Variants in COL6A3 observed in about 807,000 individuals in gnomAD.
COL6A3 encodes the protein collagen alpha-3(VI) chain.
COL6A3 carries 137 observed loss-of-function variants against 274.1 expected under a neutral mutation model. The ratio of observed to expected loss-of-function variants is 0.50; its 90% CI spans 0.44 to 0.58. COL6A3 has a LOEUF of 0.58. Ranked by LOEUF, COL6A3 falls within the 20% of genes least tolerant of loss-of-function variation. The pLI is 0.00. For missense variants in COL6A3, 3,950 were observed against 4,124.9 expected (o/e 0.96, Z 1.16); for synonymous variants, 1,650 against 1,650.6 (o/e 1.00, Z 0.01).
At position 237,361,356 on chromosome 2, in the gene COL6A3, C is replaced by G. The variant is rs970214451; in HGVS notation, c.6157-182G>C. Among the ~76,000 whole-genome samples, 6 of 152,190 alleles carry G rather than the reference C, an allele frequency of 3.9e-5. No homozygotes were observed. The highest frequency in any genetic ancestry group is 1.4e-4 in the African/African-American group (6 of 41,460). On this transcript the variant is annotated intron_variant, in intron 15 of 43. Coordinates refer to ENST00000295550, the MANE Select transcript of COL6A3 (RefSeq NM_004369.4). The surrounding 1 kb of genome is among the most constrained non-coding windows in gnomAD (Gnocchi z 5.1). ...TCTCTCTATCAGGATCTCTAAGGCT[C>G]CTGCTCTGCCAAGAAAGCCTGTTAG...
At chr2:237,333,623 T>C (rs939547308) in intron 41 of COL6A3, 75 bp from the exon 42 acceptor site, 3 of 1,271,650 alleles carry the variant, frequency 2.4e-6, no homozygotes, top group East Asian at 2.4e-5. Context: ...GTGACTGATA[T>C]AAGGTTGCCT....
rs1484697202 is a variant in COL6A3 at position 237,376,390 on chromosome 2, T to G, written c.3070+382A>C. Reference sequence around the variant, plus strand: ...AGGAATTATAACAATATAAAGGCATTGGGTGAATATGAAGATGAAGGCTGT... The same window carrying G: ...AGGAATTATAACAATATAAAGGCATGGGGTGAATATGAAGATGAAGGCTGT... On this transcript the variant is annotated intron_variant, in intron 7 of 43. Coordinates refer to ENST00000295550, the MANE Select transcript of COL6A3 (RefSeq NM_004369.4). 5.3e-5 allele frequency among the ~76,000 whole-genome samples: 8 copies of G among 152,220 alleles called. No individual in the cohort carries two copies. The East Asian group carries it at 1.5e-3, about 29-fold the overall frequency.
rs144223596 is a variant in COL6A3, at chr2:237,368,953, G to C, written c.4510C>G (p.Arg1504Gly). ...RSQAPVLDAI[R>G]RLRLRGGSPL... is the part of the protein sequence containing the mutation. ...GACCCCCCTCTGAGCCTCAGGCGCCGTATGGCGTCCAGCACCGGGGCCTGG... is the reference window on the plus strand; with the variant it reads ...GACCCCCCTCTGAGCCTCAGGCGCCCTATGGCGTCCAGCACCGGGGCCTGG... Residue 1504 changes from arginine (R) to glycine (G), a missense_variant, in exon 10 of 44, where the codon CGG becomes GGG. Physicochemically the swap from Arg to Gly is moderately radical, Grantham distance 125. Coordinates refer to ENST00000295550, the MANE Select transcript of COL6A3 (RefSeq NM_004369.4). This position sits in a 1 kb window ranked among gnomAD's most constrained non-coding sequence, Gnocchi z 4.4. 6.2e-7 allele frequency: 1 copy of C among 1,614,116 alleles called. No individual in the cohort carries two copies.
chr2:237,328,465 A>G (rs974869177), intron 42 of COL6A3: 2 of 152,210 alleles, frequency 1.3e-5, no homozygotes, highest in Non-Finnish European at 2.9e-5. Flanking sequence ...TGTGCGATGC[A>G]TGCACCTTCC....
intron 1 of COL6A3, among the ~76,000 whole-genome samples, chr2:237,404,098 T>C (rs898053735): frequency 6.6e-6 from 1 of 152,140 alleles, no homozygotes; most frequent in Non-Finnish European, 1.5e-5. Flanking sequence ...AGCTTGAGCG[T>C]CAATTTTTTT....
intron 31 of COL6A3, 110 bp from the exon 32 acceptor site, chr2:237,346,675 C>T (rs1225665874): frequency 1.0e-6 from 1 of 964,348 alleles, no homozygotes; most frequent in Non-Finnish European, 1.6e-6. Context: ...GACTCCATCA[C>T]CACGAAAAAT....
At chr2:237,370,711 G>A (rs1007441823) in intron 9 of COL6A3, among the ~76,000 whole-genome samples, 2 of 152,320 alleles carry the variant, frequency 1.3e-5, no homozygotes, top group South Asian at 4.1e-4. Context: ...AATTTACGGT[G>A]TAAATGCAGC....
In COL6A3 at chr2:237,336,510, A is replaced by C; in HGVS notation, c.8590T>G (p.Ser2864Ala). ...KQVNVPNNVTSSPTSNPVTTT... is the reference protein window; with the variant it reads ...KQVNVPNNVTASPTSNPVTTT... ...GTCACTGGGTTGGATGTAGGACTTG[A>C]AGTAACGTTATTCGGAACATTTCTG... Residue 2864 changes from serine to alanine, a missense_variant, in exon 40 of 44, where the codon TCA (serine) becomes GCA (alanine). Physicochemically the swap from Ser to Ala is moderately conservative, Grantham distance 99. Transcript: ENST00000295550. The C allele has an allele frequency of 1.2e-6, 2 of 1,614,220 alleles. No homozygotes were observed. The highest frequency in any genetic ancestry group is 1.7e-6 in the Non-Finnish European group (2 of 1,180,038).
In COL6A3 at chr2:237,344,184, G is replaced by A. The variant is rs1458556807; in HGVS notation, c.7668+166C>T. ...CGTCCCTGTAGTGCTGGAGCCACGA[G>A]GTTGTCCTGGAGACCTCACAAGAGA... On this transcript the variant is annotated intron_variant, in intron 36 of 43. Transcript: ENST00000295550. The surrounding 1 kb of genome is among the most constrained non-coding windows in gnomAD (Gnocchi z 4.8). The A allele has an allele frequency of 3.0e-6, 3 of 999,886 alleles. No homozygotes were observed. The highest frequency in any genetic ancestry group is 2.4e-5 in the East Asian group (1 of 42,122). The allele number at this position is 999,886 out of a possible 1,614,324, so 61.9% of individuals were successfully genotyped here. A position where few individuals can be genotyped will look rare whatever the true frequency, so the allele number is the denominator to read the frequency against.
chr2:237,341,293 C>T, intron 37 of COL6A3, 143 bp from the exon 38 acceptor site: 2 of 803,738 alleles, frequency 2.5e-6, no homozygotes, highest in South Asian at 1.4e-5. Flanking sequence ...CGCCTGTAAT[C>T]CCAGCACTTT....
Position 237,342,167 on chromosome 2 carries a change from T to C in COL6A3, c.7669-6A>G. ...CCCACTGCTGTGTTATTGATCTGGT[T>C]TAAACAAAAGAACAATTTTGGTAGG... On this transcript the variant is annotated splice_polypyrimidine_tract_variant and splice_region_variant and intron_variant, in intron 36 of 43. Coordinates refer to ENST00000295550, the MANE Select transcript of COL6A3 (RefSeq NM_004369.4). 6.2e-7 allele frequency: 1 copy of C among 1,613,678 alleles called. No homozygotes were observed. The highest frequency in any genetic ancestry group is 8.5e-7 in the Non-Finnish European group (1 of 1,179,692).
chr2:237,407,182 G>T lies in COL6A3; in HGVS notation c.-31+6771C>A, dbSNP rs1559293871. On this transcript the variant is annotated intron_variant, in intron 1 of 43. Transcript: ENST00000295550. The surrounding 1 kb of genome is among the most constrained non-coding windows in gnomAD (Gnocchi z 4.3). ...CTGCCCTGGCCTCCCAATGTGCTGG[G>T]ATTATAGGCATGAGCCACTACACCT... Among the ~76,000 whole-genome samples, 1 of 151,968 alleles carries T rather than the reference G, an allele frequency of 6.6e-6. No individual in the cohort carries two copies. The highest frequency in any genetic ancestry group is 1.5e-5 in the Non-Finnish European group (1 of 67,968).
chr2:237,360,501 G>A (rs1025288674), intron 16 of COL6A3, among the ~76,000 whole-genome samples: 1 of 152,282 alleles, frequency 6.6e-6, no homozygotes, highest in East Asian at 1.9e-4. Flanking sequence ...TCCAAGTGAT[G>A]CTTGATTCCC....
chr2:237,361,426 C>T lies in COL6A3; in HGVS notation c.6157-252G>A, dbSNP rs1574979067. 1.3e-5 allele frequency among the ~76,000 whole-genome samples: 2 copies of T among 152,196 alleles called. No individual in the cohort carries two copies. Among genetic ancestry groups the T allele is most frequent in the Non-Finnish European group, 2.9e-5 (2 of 68,038 alleles). On this transcript the variant is annotated intron_variant, in intron 15 of 43. Transcript: ENST00000295550. The surrounding 1 kb of genome is among the most constrained non-coding windows in gnomAD (Gnocchi z 5.1). ...AATGCTATGAGTTCCAGCTGCCATT[C>T]GCAGCCAGGCTGCTGTCAGGGACGC...
Position 237,334,797 on chromosome 2 carries a change from A to G in COL6A3, c.9058T>C (p.Tyr3020His). 1 of 1,614,172 alleles carries G rather than the reference A, an allele frequency of 6.2e-7. No individual in the cohort carries two copies. The highest frequency in any genetic ancestry group is 8.5e-7 in the Non-Finnish European group (1 of 1,180,026). ...TGGGCTGAGGTGACGGTGAGGTCAT[A>G]AAAATAAGGACCGGGGGGCTCAGCC... ...ERAEPPGPYF[Y>H]DLTVTSAHDQ... is the part of the protein sequence containing the mutation. The change falls in exon 41 of 44, where the codon TAT (tyrosine) becomes CAT (histidine). Residue 3020 changes from tyrosine to histidine, a missense_variant. By Grantham distance (83) the Tyr-to-His change is moderately conservative (BLOSUM62 2). Around this residue, in one of 5 missense-constraint regions of COL6A3, gnomAD observed 1,284 missense variants for 1,349.7 expected, o/e 0.95. Coordinates refer to ENST00000295550, the MANE Select transcript of COL6A3 (RefSeq NM_004369.4).
At chr2:237,404,196 A>G (rs889467007) in intron 1 of COL6A3, among the ~76,000 whole-genome samples, 6 of 152,196 alleles carry the variant, frequency 3.9e-5, no homozygotes, top group African/African-American at 1.2e-4. Context: ...ACTGGTCCAG[A>G]TCAATGTTTT....
At position 237,364,319 on chromosome 2, in the gene COL6A3, C is replaced by G; in HGVS notation, c.5917+31G>C. ...GTACACCCCGCCTCACCAGGGTTTA[C>G]TTCTCATATTTAGAAAGCCTTGGCA... On this transcript the variant is annotated intron_variant, in intron 13 of 43. Coordinates refer to ENST00000295550, the MANE Select transcript of COL6A3 (RefSeq NM_004369.4). This position sits in a 1 kb window ranked among gnomAD's most constrained non-coding sequence, Gnocchi z 4.6. 1 of 1,574,606 alleles carries G rather than the reference C, an allele frequency of 6.4e-7. No homozygotes were observed. The highest frequency in any genetic ancestry group is 8.7e-7 in the Non-Finnish European group (1 of 1,144,844).
rs143389941 is a variant in COL6A3, at chr2:237,365,858, G to T, written c.5678C>A (p.Thr1893Lys). 24 of 1,614,194 alleles carry T rather than the reference G, an allele frequency of 1.5e-5. 1 individual carries two copies. The Admixed American group carries it at 3.7e-4, about 25-fold the overall frequency. ...PTVRVSVVAN[T>K]PSGPVEAFDF... ...AAAGGCCTCCACCGGGCCCGAGGGC[G>T]TGTTGGCCACCACTGACACACGCAC... The change falls in exon 12 of 44, where the codon ACG (threonine) becomes AAG (lysine). Residue 1893 changes from threonine (T) to lysine (K), a missense_variant. Physicochemically the swap from Thr to Lys is moderately conservative, Grantham distance 78 (BLOSUM62 -1). Around this residue, in one of 5 missense-constraint regions of COL6A3, gnomAD observed 632 missense variants for 623.4 expected, o/e 1.01. Coordinates refer to ENST00000295550, the MANE Select transcript of COL6A3 (RefSeq NM_004369.4).
In COL6A3 at chr2:237,367,073, G is replaced by T. The variant is rs1332222498; in HGVS notation, c.5114C>A (p.Ala1705Asp). The change falls in exon 11 of 44, where the codon GCC becomes GAC. Residue 1705 changes from alanine to aspartate, a missense_variant. Ala to Asp is a moderately radical substitution (Grantham distance 126). This residue lies in a region of COL6A3 where 632 missense variants were observed against 623.4 expected (regional missense o/e 1.01). Transcript: ENST00000295550. ...CCCTTTGTAGACCACTTTGTTGATG[G>T]CGTCAATAATCTGCCTCTTGGTAGA... ...DFSTKRQIID[A>D]INKVVYKGGR... 1 of 1,614,224 alleles carries T rather than the reference G, an allele frequency of 6.2e-7. No individual in the cohort carries two copies. Among genetic ancestry groups the T allele is most frequent in the Admixed American group, 1.7e-5 (1 of 60,024 alleles).
Sources: gnomAD v4.1 joint callset for allele counts (sites outside exome capture counted in the v4.1 genomes callset) on GRCh38, gnomAD v4.1.1 for gene constraint, gnomAD v4.1.1 regional missense constraint, Gnocchi (gnomAD v3.1) non-coding constraint, MANE v1.5 for transcripts, NCBI Gene and HGNC (gene_info 2026-07-23, HGNC 2026-07-21) for gene names.